MPND: variants seen among roughly 807,000 people sequenced by gnomAD.
The protein encoded by MPND is MPN domain-containing protein.
MPND carries 56 observed loss-of-function variants against 59.2 expected under a neutral mutation model. That is an observed-to-expected ratio of 0.95 (90% CI 0.76 to 1.18). The LOEUF is 1.18. MPND is among the 50% of genes most tolerant of loss of function. The probability of loss-of-function intolerance (pLI) is 0.00; values close to 1 mark genes in which losing one functional copy is unlikely to be tolerated. For synonymous variants in MPND, 323 were observed against 291.9 expected (o/e 1.11, Z -1.09); for missense variants, 671 against 676.0 (o/e 0.99, Z 0.08).
At chr19:4,345,141 G>A (rs1234540458) in intron 2 of MPND, among the ~76,000 whole-genome samples, 10 of 142,096 alleles carry the variant, frequency 7.0e-5, no homozygotes, top group African/African-American at 2.1e-4. Flanking sequence ...TCTGCCTCCC[G>A]GTTCAAGCAA....
chr19:4,351,413 G>T (rs561595066), intron 3 of MPND, among the ~76,000 whole-genome samples: 11 of 152,236 alleles, frequency 7.2e-5, no homozygotes, highest in African/African-American at 2.4e-4. Context: ...GGGAGGAAAG[G>T]TTACTGAAAG....
At chr19:4,345,657 GAGGGAGCGT>G in intron 2 of MPND, 79 bp from the exon 3 acceptor site, 1 of 1,241,178 alleles carries the variant, frequency 8.1e-7, no homozygotes, top group South Asian at 1.3e-5. Context: ...AGACATGCCT[GAGGGAGCGT>G]AGGTCTGGGG....
intron 10 of MPND, 78 bp from the exon 11 acceptor site, chr19:4,358,005 C>T (rs1427426100): frequency 1.3e-5 from 16 of 1,230,698 alleles, no homozygotes; most frequent in African/African-American, 4.5e-5. Flanking sequence ...GTTCCCAGCC[C>T]GGGCACTGCC....
At chr19:4,350,917 G>C (rs1371925282) in intron 3 of MPND, among the ~76,000 whole-genome samples, 1 of 152,070 alleles carries the variant, frequency 6.6e-6, no homozygotes, top group Non-Finnish European at 1.5e-5. Flanking sequence ...GCAACAGCGA[G>C]AGGGGAGGTG....
chr19:4,349,967 A>G (rs1173214264), intron 3 of MPND, among the ~76,000 whole-genome samples: 3 of 152,234 alleles, frequency 2.0e-5, no homozygotes, highest in African/African-American at 7.2e-5. Context: ...TTCAGTATGT[A>G]TTCAGTTAGT....
intron 3 of MPND, among the ~76,000 whole-genome samples, chr19:4,350,206 G>C (rs577433622): frequency 6.6e-6 from 1 of 152,248 alleles, no homozygotes; most frequent in South Asian, 2.1e-4. Flanking sequence ...GACCGTGCCT[G>C]GTGTGTTGGA....
intron 11 of MPND, 138 bp downstream of exon 11, chr19:4,358,310 A>C: frequency 5.5e-6 from 4 of 732,466 alleles, no homozygotes; most frequent in Non-Finnish European, 9.2e-6. Context: ...GGCTTCTTCC[A>C]TCACTCAGGA....
At chr19:4,348,265 T>TC (rs1353633594) in intron 3 of MPND, 1 of 143,420 alleles carries the variant, frequency 7.0e-6, no homozygotes, top group East Asian at 2.1e-4. Context: ...TTTTTTTTTT[T>TC]TTTTTTTTTT....
At position 4,344,014 on chromosome 19, in the gene MPND, C is replaced by A; in HGVS notation, c.294+20C>A. On this transcript the variant is annotated intron_variant, in intron 2 of 12. Coordinates refer to ENST00000599840, the MANE Select transcript of MPND (RefSeq NM_001300862.2). ...TACCTGGTGAGCACCCCGCCTCCCT[C>A]GTCCCATCGCGGCTCGGGCAGGAAG... 3 of 1,301,014 alleles carry A rather than the reference C, an allele frequency of 2.3e-6. No homozygotes were observed. Among genetic ancestry groups the A allele is most frequent in the South Asian group, 4.4e-5 (2 of 45,408 alleles). 80.6% of individuals were successfully genotyped at this position (1,301,014 alleles called of 1,614,324 possible).
At chr19:4,345,671 C>T in intron 2 of MPND, 74 bp from the exon 3 acceptor site, 1 of 1,425,832 alleles carries the variant, frequency 7.0e-7, no homozygotes, top group South Asian at 1.2e-5. Context: ...GAGCGTAGGT[C>T]TGGGGAGGAC....
At chr19:4,357,458 G>A in intron 9 of MPND, 37 bp downstream of exon 9, 1 of 1,609,796 alleles carries the variant, frequency 6.2e-7, no homozygotes, top group South Asian at 1.1e-5. Flanking sequence ...GCAAGGAGGG[G>A]GGATGCTGGG....
intron 2 of MPND, among the ~76,000 whole-genome samples, chr19:4,344,408 C>T (rs1972140017): frequency 7.0e-6 from 1 of 143,500 alleles, no homozygotes; most frequent in African/African-American, 2.6e-5. Context: ...GCAGGAGGAG[C>T]TCCCGTGGAG....
chr19:4,355,952 C>G (rs1599576744), intron 8 of MPND, among the ~76,000 whole-genome samples: 1 of 147,724 alleles, frequency 6.8e-6, no homozygotes, highest in Non-Finnish European at 1.5e-5. Context: ...CTTCCGGATT[C>G]AAGTGATTCT....
chr19:4,347,836 C>A, intron 3 of MPND: 1 of 305,628 alleles, frequency 3.3e-6, no homozygotes. Context: ...AAGGAACTGG[C>A]AAATGTTCTT....
chr19:4,354,580 T>A, intron 6 of MPND, 160 bp downstream of exon 6: 2 of 653,414 alleles, frequency 3.1e-6, no homozygotes, highest in Non-Finnish European at 5.3e-6. Context: ...TGAAGGAGGG[T>A]GCGTGGCCAG....
At chr19:4,358,565 A>G (rs938723436) in intron 11 of MPND, 2 of 188,556 alleles carry the variant, frequency 1.1e-5, no homozygotes, top group African/African-American at 4.7e-5. Context: ...AGGTGGGTGG[A>G]TCACCTGAGG....
chr19:4,355,283 G>A, intron 8 of MPND, 110 bp downstream of exon 8: 2 of 1,084,102 alleles, frequency 1.8e-6, no homozygotes, highest in East Asian at 2.6e-5. Flanking sequence ...CCGTGCAGGT[G>A]AGCATGCCCG....
intron 10 of MPND, chr19:4,357,843 G>C (rs972071718): frequency 1.6e-6 from 1 of 606,234 alleles, no homozygotes; most frequent in African/African-American, 1.9e-5. Context: ...CCCCAATCCT[G>C]CCCTGAAGTC....
chr19:4,356,142 G>A (rs1339148445), intron 8 of MPND, among the ~76,000 whole-genome samples: 1 of 152,060 alleles, frequency 6.6e-6, no homozygotes, highest in Admixed American at 6.6e-5. Flanking sequence ...GTGAGCCACC[G>A]CGCCCAGCCT....
Sources: gnomAD v4.1 joint callset for allele counts (sites outside exome capture counted in the v4.1 genomes callset) on GRCh38, gnomAD v4.1.1 for gene constraint, MANE v1.5 for transcripts, NCBI Gene and HGNC (gene_info 2026-07-23, HGNC 2026-07-21) for gene names.